The following MEX3D variants were observed in gnomAD, a reference collection of about 807,000 sequenced individuals.
The protein encoded by MEX3D is mex-3 RNA binding family member D, also known as RNA-binding protein MEX3D.
MEX3D carries 4 observed loss-of-function variants against 6.3 expected under a neutral mutation model. The observed-to-expected ratio is 0.64, with a 90% confidence interval of 0.31 to 1.46. The LOEUF (loss-of-function observed/expected upper bound fraction) is 1.46. Among genes scored for constraint, MEX3D ranks in the 40% most tolerant of loss-of-function variants. The pLI is 0.07. For synonymous variants in MEX3D, 626 were observed against 494.1 expected, an observed-to-expected ratio of 1.27 and a Z score of -3.54; for missense variants, 1,038 against 994.4, an observed-to-expected ratio of 1.04 and a Z score of -0.59.
In MEX3D at chr19:1,555,442, T is replaced by G. The variant is rs1035916098; in HGVS notation, c.*121A>C. 6.2e-5 allele frequency: 23 copies of G among 373,056 alleles called. No homozygotes were observed. The highest frequency in any genetic ancestry group is 2.3e-4 in the Admixed American group (4 of 17,372). 23.1% of individuals were successfully genotyped at this position (373,056 alleles called of 1,614,324 possible). On this transcript the variant is annotated 3_prime_UTR_variant, in exon 2 of 2. Transcript: ENST00000402693. ...AAACACTGGCCGCCGCCCACCCCCC[T>G]GCCCCCTCGGCCTCCGCCCCTCGCC...
intron 1 of MEX3D, among the ~76,000 whole-genome samples, chr19:1,566,542 T>G (rs1914844641): frequency 6.6e-6 from 1 of 151,672 alleles, no homozygotes; most frequent in South Asian, 2.1e-4. Flanking sequence ...TTCTAGAACC[T>G]GGCTGATCAC....
intron 1 of MEX3D, among the ~76,000 whole-genome samples, chr19:1,566,975 G>C (rs909484130): frequency 1.3e-5 from 2 of 152,146 alleles, no homozygotes; most frequent in African/African-American, 2.4e-5. Context: ...CCCCAGTCAG[G>C]GCCCCAGGCT....
Position 1,556,970 on chromosome 19 carries a change from G to C in MEX3D, c.596-47C>G. The C allele has an allele frequency of 1.9e-6, 3 of 1,544,160 alleles. No individual in the cohort carries two copies. Among genetic ancestry groups the C allele is most frequent in the Non-Finnish European group, 2.6e-6 (3 of 1,151,362 alleles). ...GACAAGGTGACCCAGAGCCCCCTGC[G>C]CAGCTCAGCCCCGCTGGGCATGCAG... is the stretch of plus-strand genomic sequence containing the variant. On this transcript the variant is annotated intron_variant, in intron 1 of 1. Coordinates refer to ENST00000402693, the MANE Select transcript of MEX3D (RefSeq NM_203304.4). This position sits in a 1 kb window ranked among gnomAD's most constrained non-coding sequence, Gnocchi z 7.5.
Position 1,556,005 on chromosome 19 carries a change from C to T in MEX3D, c.1514G>A (p.Ser505Asn), listed in dbSNP as rs1914535216. ...PGPPAAGARR[S>N]SGAGTPRHSP... is the part of the protein sequence containing the mutation. ...GTGGCGGGGGGTCCCGGCCCCACTG[C>T]TGCGCCGGGCGCCGGCGGCGGGAGG... Residue 505 changes from serine to asparagine, a missense_variant, in exon 2 of 2, where the codon AGC (serine) becomes AAC (asparagine). Ser to Asn is a conservative substitution (Grantham distance 46). Transcript: ENST00000402693. This position sits in a 1 kb window ranked among gnomAD's most constrained non-coding sequence, Gnocchi z 7.5. 1 of 1,225,340 alleles carries T rather than the reference C, an allele frequency of 8.2e-7. No individual in the cohort carries two copies. The highest frequency in any genetic ancestry group is 1.0e-6 in the Non-Finnish European group (1 of 978,834). The allele number at this position is 1,225,340 out of a possible 1,614,324, so 75.9% of individuals were successfully genotyped here. A position where few individuals can be genotyped will look rare whatever the true frequency, so the allele number is the denominator to read the frequency against.
chr19:1,564,532 CAAAA>C (rs75476631), intron 1 of MEX3D, among the ~76,000 whole-genome samples: 2 of 68,226 alleles, frequency 2.9e-5, no homozygotes, highest in Non-Finnish European at 3.1e-5. Context: ...GACTCCATCC[CAAAA>C]AAAAAAAAAA....
In MEX3D at chr19:1,555,793, G is replaced by A. The variant is rs1190497677; in HGVS notation, c.1726C>T (p.Leu576=). 145 of 1,405,218 alleles carry A rather than the reference G, an allele frequency of 1.0e-4. No individual in the cohort carries two copies. Among genetic ancestry groups the A allele is most frequent in the Non-Finnish European group, 1.3e-4 (137 of 1,089,640 alleles). The allele number at this position is 1,405,218 out of a possible 1,614,324, so 87.0% of individuals were successfully genotyped here. A position where few individuals can be genotyped will look rare whatever the true frequency, so the allele number is the denominator to read the frequency against. Residue 576 remains leucine, a synonymous_variant, in exon 2 of 2, where the codon CTG becomes TTG. Transcript: ENST00000402693. ...SSPAAAACAP[L]DSGASENSRK... is the part of the protein sequence containing the mutation. ...CTGTTCTCGGAGGCGCCGGAGTCCAGGGGGGCGCAGGCGGCGGCCGCGGGG... is the reference window on the plus strand; with the variant it reads ...CTGTTCTCGGAGGCGCCGGAGTCCAAGGGGGCGCAGGCGGCGGCCGCGGGG...
In MEX3D at chr19:1,554,711, G is replaced by A. The variant is rs1487286449; in HGVS notation, c.*852C>T. The stretch of plus-strand genomic sequence containing the variant: ...GAGGCTTTATTAAGAAGGCTTTGAA[G>A]TCAAAAAATAAAACTCTTGATACAA... On this transcript the variant is annotated 3_prime_UTR_variant, in exon 2 of 2. Coordinates refer to ENST00000402693, the MANE Select transcript of MEX3D (RefSeq NM_203304.4). The A allele has an allele frequency of 6.6e-6, 1 of 152,324 alleles. No homozygotes were observed. The highest frequency in any genetic ancestry group is 1.5e-5 in the Non-Finnish European group (1 of 68,010). The allele number at this position is 152,324 out of a possible 1,614,324, so 9.4% of individuals were successfully genotyped here.
At chr19:1,560,459 C>T (rs893010319) in intron 1 of MEX3D, among the ~76,000 whole-genome samples, 2 of 152,246 alleles carry the variant, frequency 1.3e-5, no homozygotes, top group Admixed American at 1.3e-4. Flanking sequence ...ATGGGGTCCT[C>T]CCTTGCTGAT....
At chr19:1,565,615 A>G (rs1914819314) in intron 1 of MEX3D, among the ~76,000 whole-genome samples, 1 of 152,150 alleles carries the variant, frequency 6.6e-6, no homozygotes, top group African/African-American at 2.4e-5. Context: ...TCCGCACATC[A>G]CAGAGAGGGG....
At chr19:1,566,476 C>T (rs1914843250) in intron 1 of MEX3D, among the ~76,000 whole-genome samples, 1 of 152,188 alleles carries the variant, frequency 6.6e-6, no homozygotes, top group Non-Finnish European at 1.5e-5. Context: ...GGCAGGGACC[C>T]CCAGCCCAAG....
rs776763334 is a variant in MEX3D, at chr19:1,556,434, C to A, written c.1085G>T (p.Cys362Phe). Residue 362 changes from cysteine (C) to phenylalanine (F), a missense_variant, in exon 2 of 2, where the codon TGC becomes TTC. By Grantham distance (205) the Cys-to-Phe change is radical. Coordinates refer to ENST00000402693, the MANE Select transcript of MEX3D (RefSeq NM_203304.4). The surrounding 1 kb of genome is among the most constrained non-coding windows in gnomAD (Gnocchi z 7.5). ...GGCGGCCGCCCCGAGCAGGTCCAGGCAGACGTCGGTGCCGTTGGCGTGGAA... is the reference window on the plus strand; with the variant it reads ...GGCGGCCGCCCCGAGCAGGTCCAGGAAGACGTCGGTGCCGTTGGCGTGGAA... ...SDFHANGTDVCLDLLGAAASL... is the reference protein window; with the variant it reads ...SDFHANGTDVFLDLLGAAASL... 1.9e-6 allele frequency: 3 copies of A among 1,595,428 alleles called. No individual in the cohort carries two copies. The highest frequency in any genetic ancestry group is 1.1e-5 in the South Asian group (1 of 90,754).
Position 1,555,873 on chromosome 19 carries a change from G to A in MEX3D, c.1646C>T (p.Pro549Leu). The change falls in exon 2 of 2, where the codon CCC (proline) becomes CTC (leucine). Residue 549 changes from proline to leucine, a missense_variant. By Grantham distance (98) the Pro-to-Leu change is moderately conservative. Coordinates refer to ENST00000402693, the MANE Select transcript of MEX3D (RefSeq NM_203304.4). ...GALSWRPPQGPVSFPGGAAFS... is the reference protein window; with the variant it reads ...GALSWRPPQGLVSFPGGAAFS... ...GGCGGCGCCGCCTGGGAAGGATACG[G>A]GGCCCTGCGGGGGTCGCCAGGACAG... The A allele has an allele frequency of 7.6e-7, 1 of 1,309,250 alleles. No homozygotes were observed. The highest frequency in any genetic ancestry group is 3.5e-5 in the East Asian group (1 of 28,840). 81.1% of individuals were successfully genotyped at this position (1,309,250 alleles called of 1,614,324 possible). A position where few individuals can be genotyped will look rare whatever the true frequency, so the allele number is the denominator to read the frequency against.
Position 1,555,139 on chromosome 19 carries a change from G to C in MEX3D, c.*424C>G. The C allele has an allele frequency of 2.4e-6, 1 of 424,812 alleles. No homozygotes were observed. Among genetic ancestry groups the C allele is most frequent in the Non-Finnish European group, 4.1e-6 (1 of 244,772 alleles). 26.3% of individuals were successfully genotyped at this position (424,812 alleles called of 1,614,324 possible). On this transcript the variant is annotated 3_prime_UTR_variant, in exon 2 of 2. Coordinates refer to ENST00000402693, the MANE Select transcript of MEX3D (RefSeq NM_203304.4). ...CCTCTGGAACGTCTGTGCGGCCTGAGACCGGCCGGCGAGAAAAGTCAAATC... is the reference window on the plus strand; with the variant it reads ...CCTCTGGAACGTCTGTGCGGCCTGACACCGGCCGGCGAGAAAAGTCAAATC...
chr19:1,556,212 G>C lies in MEX3D; in HGVS notation c.1307C>G (p.Ala436Gly). ...CCCCACCGGGGCACCGGGACCCTCC[G>C]CGCCGAAGGCGAAGCCCCCGTTGCC... Reference protein sequence around the residue: ...GSGNGGFAFGAEGPGAPVGTA... With the variant: ...GSGNGGFAFGGEGPGAPVGTA... Residue 436 changes from alanine (A) to glycine (G), a missense_variant, in exon 2 of 2, where the codon GCG becomes GGG. By Grantham distance (60) the Ala-to-Gly change is moderately conservative. Around this residue, in one of 5 missense-constraint regions of MEX3D, gnomAD observed 581 missense variants for 516.2 expected, o/e 1.13. Transcript: ENST00000402693. This position sits in a 1 kb window ranked among gnomAD's most constrained non-coding sequence, Gnocchi z 7.5. 7.0e-7 allele frequency: 1 copy of C among 1,427,698 alleles called. No homozygotes were observed. Among genetic ancestry groups the C allele is most frequent in the East Asian group, 3.4e-5 (1 of 29,742 alleles). 88.4% of individuals were successfully genotyped at this position (1,427,698 alleles called of 1,614,324 possible). A position where few individuals can be genotyped will look rare whatever the true frequency, so the allele number is the denominator to read the frequency against.
intron 1 of MEX3D, among the ~76,000 whole-genome samples, chr19:1,565,268 G>A (rs907787206): frequency 5.9e-5 from 9 of 152,266 alleles, no homozygotes; most frequent in East Asian, 1.9e-4. Context: ...CTGGCCGTGC[G>A]CAGTGGCTCA....
chr19:1,561,991 G>A (rs565284590), intron 1 of MEX3D, among the ~76,000 whole-genome samples: 1 of 151,744 alleles, frequency 6.6e-6, no homozygotes, highest in South Asian at 2.1e-4. Flanking sequence ...GCCGGGCACG[G>A]TGGCTCACAC....
At chr19:1,557,054 C>T in intron 1 of MEX3D, 131 bp from the exon 2 acceptor site, 4 of 1,105,580 alleles carry the variant, frequency 3.6e-6, no homozygotes, top group South Asian at 1.6e-5. Flanking sequence ...ACACTTTATC[C>T]TCAGACACGC....
At position 1,556,404 on chromosome 19, in the gene MEX3D, A is replaced by G; in HGVS notation, c.1115T>C (p.Leu372Pro). The G allele has an allele frequency of 1.9e-6, 3 of 1,570,006 alleles. No homozygotes were observed. Among genetic ancestry groups the G allele is most frequent in the Non-Finnish European group, 2.6e-6 (3 of 1,165,334 alleles). The part of the protein sequence containing the change: ...CLDLLGAAAS[L>P]WAKTPNQGRR... ...TCCCTGGTTGGGGGTCTTGGCCCAG[A>G]GGCTGGCGGCCGCCCCGAGCAGGTC... Residue 372 changes from leucine to proline, a missense_variant, in exon 2 of 2, where the codon CTC (leucine) becomes CCC (proline). Transcript: ENST00000402693. This position sits in a 1 kb window ranked among gnomAD's most constrained non-coding sequence, Gnocchi z 7.5.
At position 1,555,760 on chromosome 19, in the gene MEX3D, G is replaced by T; in HGVS notation, c.1759C>A (p.Pro587Thr). The T allele has an allele frequency of 3.3e-6, 5 of 1,494,174 alleles. No individual in the cohort carries two copies. Among genetic ancestry groups the T allele is most frequent in the Middle Eastern group, 2.1e-4 (1 of 4,702 alleles). 92.6% of individuals were successfully genotyped at this position (1,494,174 alleles called of 1,614,324 possible). A position where few individuals can be genotyped will look rare whatever the true frequency, so the allele number is the denominator to read the frequency against. The change falls in exon 2 of 2, where the codon CCC (proline) becomes ACC (threonine). Residue 587 changes from proline to threonine, a missense_variant. By Grantham distance (38) the Pro-to-Thr change is conservative. This residue lies in a region of MEX3D where 581 missense variants were observed against 516.2 expected (regional missense o/e 1.13). Transcript: ENST00000402693. ...DSGASENSRK[P>T]PSASSAPALA... The stretch of plus-strand genomic sequence containing the variant: ...GCCGGGGCCGAGGACGCCGAAGGGG[G>T]CTTGCGGCTGTTCTCGGAGGCGCCG...
Sources: gnomAD v4.1 joint callset for allele counts (sites outside exome capture counted in the v4.1 genomes callset) on GRCh38, gnomAD v4.1.1 for gene constraint, gnomAD v4.1.1 regional missense constraint, Gnocchi (gnomAD v3.1) non-coding constraint, MANE v1.5 for transcripts, NCBI Gene and HGNC (gene_info 2026-07-23, HGNC 2026-07-21) for gene names.